SLC5A11: variants seen among roughly 807,000 people sequenced by gnomAD.
SLC5A11 encodes the protein sodium/myo-inositol cotransporter 2.
Under a neutral mutation model 69.8 loss-of-function variants are expected in SLC5A11, and 48 were observed. That is an observed-to-expected ratio of 0.69 (90% confidence interval 0.55 to 0.87). SLC5A11 has a LOEUF of 0.87. Ranked by LOEUF, SLC5A11 falls within the 40% of genes least tolerant of loss-of-function variation. The pLI, the probability that SLC5A11 is intolerant of heterozygous loss-of-function variation, is 0.00. For synonymous variants in SLC5A11, 319 were observed against 342.4 expected (o/e 0.93, Z 0.75); for missense variants, 784 against 866.1 (o/e 0.91, Z 1.19).
chr16:24,898,020 A>G (rs2049302960), exon 10 of SLC5A11: 9 of 1,614,116 alleles, frequency 5.6e-6, no homozygotes, highest in Non-Finnish European at 7.6e-6. Flanking sequence ...TCCCATGCCA[A>G]AGGAGGTGCT....
intron 7 of SLC5A11, 120 bp from the exon 9 acceptor site, chr16:24,883,931 C>T (rs1410285428): frequency 3.6e-6 from 3 of 827,820 alleles, no homozygotes; most frequent in African/African-American, 3.4e-5. Context: ...GCCATCTTTG[C>T]AATCAGTCAG....
At position 24,907,023 on chromosome 16, in the gene SLC5A11, A is replaced by C; in HGVS notation, c.1115-2A>C. 1 of 1,613,554 alleles carries C rather than the reference A, an allele frequency of 6.2e-7. No individual in the cohort carries two copies. ...GGCCCATGACCTCCCTTCCGCCCCC[A>C]GGGCTCCGTGGGCTGATGATGGCTG... is the stretch of plus-strand genomic sequence containing the variant. On this transcript the variant is annotated splice_acceptor_variant, in intron 11 of 15. Transcript: ENST00000347898. LOFTEE classifies it high-confidence loss of function.
At chr16:24,910,628 C>T in intron 15 of SLC5A11, 151 bp downstream of exon 16, 2 of 877,654 alleles carry the variant, frequency 2.3e-6, no homozygotes, top group Non-Finnish European at 1.7e-6. Context: ...TGTCCCCACG[C>T]TCCGGCCATG....
Position 24,908,888 on chromosome 16 carries a change from T to G in SLC5A11, c.1442T>G (p.Phe481Cys), listed in dbSNP as rs568569071. ...CTTGCTCTGATTTTGCAGGGTGCCT[T>G]CTGGGGCCTGATCTCGGGCCTGCTC... Residue 481 changes from phenylalanine (F) to cysteine (C), a missense_variant, in exon 14 of 16, where the codon TTC becomes TGC. Coordinates refer to ENST00000347898, the Ensembl canonical transcript of SLC5A11. 3.1e-5 allele frequency: 50 copies of G among 1,613,264 alleles called. No homozygotes were observed. The South Asian group carries it at 5.3e-4, about 17-fold the overall frequency.
At position 24,911,319 on chromosome 16, in the gene SLC5A11, T is replaced by C; in HGVS notation, c.1823-9T>C. The stretch of plus-strand genomic sequence containing the variant: ...CCTCTACGGTCTTCCTTTGCTGGGT[T>C]CTTTCTAGGTGACATGACCCCAAAG... On this transcript the variant is annotated splice_polypyrimidine_tract_variant and intron_variant, in intron 15 of 15. Coordinates refer to ENST00000347898, the Ensembl canonical transcript of SLC5A11. 1 of 1,613,712 alleles carries C rather than the reference T, an allele frequency of 6.2e-7. No homozygotes were observed. Among genetic ancestry groups the C allele is most frequent in the Non-Finnish European group, 8.5e-7 (1 of 1,180,002 alleles).
At position 24,907,946 on chromosome 16, in the gene SLC5A11, C is replaced by T. The variant is rs768250691; in HGVS notation, c.1266-17C>T. 1 of 1,613,404 alleles carries T rather than the reference C, an allele frequency of 6.2e-7. No individual in the cohort carries two copies. Among genetic ancestry groups the T allele is most frequent in the Admixed American group, 1.7e-5 (1 of 59,930 alleles). The stretch of plus-strand genomic sequence containing the variant: ...GTTCAGATGATGCTAATTTGTGCCT[C>T]TCGCCGCCGGCACCAGGGTGTTTGT... On this transcript the variant is annotated splice_polypyrimidine_tract_variant and intron_variant, in intron 12 of 15. Transcript: ENST00000347898.
chr16:24,869,481 T>C (rs865875861), intron 3 of SLC5A11, among the ~76,000 whole-genome samples: 4 of 152,170 alleles, frequency 2.6e-5, no homozygotes, highest in African/African-American at 9.7e-5. Context: ...AAGAAGACTA[T>C]CTACTTTGAT....
intron 1 of SLC5A11, 66 bp from the exon 3 acceptor site, chr16:24,858,554 G>A: frequency 6.9e-7 from 1 of 1,457,084 alleles, no homozygotes. Flanking sequence ...TAGGGAGGTA[G>A]CTACAGAAAG....
intron 3 of SLC5A11, among the ~76,000 whole-genome samples, chr16:24,863,069 A>G (rs1052935089): frequency 7.1e-6 from 1 of 141,446 alleles, no homozygotes; most frequent in Non-Finnish European, 1.5e-5. Flanking sequence ...TATAATATAT[A>G]TGATTTATAT....
intron 14 of SLC5A11, among the ~76,000 whole-genome samples, chr16:24,909,553 T>C (rs758763716): frequency 1.3e-5 from 2 of 148,670 alleles, no homozygotes; most frequent in Non-Finnish European, 3.0e-5. Context: ...GGTGGGAGGA[T>C]TGCCAGAGCC....
chr16:24,871,313 C>T (rs2047285108), intron 4 of SLC5A11, among the ~76,000 whole-genome samples: 1 of 152,136 alleles, frequency 6.6e-6, no homozygotes, highest in Non-Finnish European at 1.5e-5. Flanking sequence ...CTCTGTCGCC[C>T]AAGCTGGAGT....
At chr16:24,883,528 A>C (rs1375330377) in intron 7 of SLC5A11, among the ~76,000 whole-genome samples, 1 of 152,166 alleles carries the variant, frequency 6.6e-6, no homozygotes, top group Non-Finnish European at 1.5e-5. Flanking sequence ...CCACAAGTCC[A>C]TGGGTTCCTG....
At chr16:24,874,997 T>C (rs897568969) in intron 5 of SLC5A11, among the ~76,000 whole-genome samples, 3 of 152,004 alleles carry the variant, frequency 2.0e-5, no homozygotes, top group Non-Finnish European at 2.9e-5. Context: ...GTTATATGTC[T>C]TTAAAAAAAA....
chr16:24,877,091 GA>G, intron 6 of SLC5A11, 166 bp from the exon 8 acceptor site: 1 of 1,472,326 alleles, frequency 6.8e-7, no homozygotes, highest in South Asian at 1.4e-5. Context: ...GGCTCCAGCT[GA>G]AGACCCCTGA....
intron 13 of SLC5A11, 29 bp from the exon 15 acceptor site, chr16:24,908,852 T>C: frequency 6.2e-7 from 1 of 1,606,696 alleles, no homozygotes; most frequent in Middle Eastern, 1.7e-4. Context: ...CCTTGGCGTC[T>C]CTAAGATGAT....
At chr16:24,848,763 G>A (rs1360325313) in intron 1 of SLC5A11, among the ~76,000 whole-genome samples, 2 of 151,694 alleles carry the variant, frequency 1.3e-5, no homozygotes, top group South Asian at 2.1e-4. Context: ...TTGGTCAAGG[G>A]AACAAGACCC....
rs138641055 is a variant in SLC5A11, at chr16:24,889,885, A to G, written c.665-984A>G. On this transcript the variant is annotated intron_variant, in intron 8 of 15. Coordinates refer to ENST00000347898, the Ensembl canonical transcript of SLC5A11. ...TAATGGAGCAAATAAATAAATTACT[A>G]TGTCACATTTTTAATATTTTGATGG... Among the ~76,000 whole-genome samples the G allele has an allele frequency of 6.1e-3, 929 of 152,152 alleles. 10 individuals carry two copies. Among genetic ancestry groups the G allele is most frequent in the African/African-American group, 0.021 (863 of 41,510 alleles).
chr16:24,858,796 G>A lies in SLC5A11; in HGVS notation c.135+18G>A, dbSNP rs377658395. ...GACTATGGGTAAGCCAGGCCACTGG[G>A]GGATGGGGGATGAAGAGAGAAGGAA... On this transcript the variant is annotated intron_variant, in intron 2 of 15. Transcript: ENST00000347898. 6.2e-7 allele frequency: 1 copy of A among 1,604,676 alleles called. No homozygotes were observed. Among genetic ancestry groups the A allele is most frequent in the Non-Finnish European group, 8.5e-7 (1 of 1,175,328 alleles).
intron 8 of SLC5A11, among the ~76,000 whole-genome samples, chr16:24,889,435 T>C (rs2048619768): frequency 6.6e-6 from 1 of 152,008 alleles, no homozygotes; most frequent in African/African-American, 2.4e-5. Context: ...TGAGCTATGA[T>C]TGTAGCACTA....
Sources: allele counts gnomAD v4.1 joint callset (sites outside exome capture counted in the v4.1 genomes callset), GRCh38; gene constraint gnomAD v4.1.1; transcripts MANE v1.5; gene names NCBI Gene and HGNC (gene_info 2026-07-23, HGNC 2026-07-21).